PGAM5: variants seen among roughly 807,000 people sequenced by gnomAD.
PGAM5 encodes serine/threonine-protein phosphatase PGAM5, mitochondrial.
Under a neutral mutation model 30.6 loss-of-function variants are expected in PGAM5, and 25 were observed. That is an observed-to-expected ratio of 0.82 (90% confidence interval 0.60 to 1.14). PGAM5 has a LOEUF of 1.14. Among genes scored for constraint, PGAM5 ranks in the 50% most tolerant of loss-of-function variants. The probability of loss-of-function intolerance (pLI) is 0.00; values close to 1 mark genes in which losing one functional copy is unlikely to be tolerated. For synonymous variants in PGAM5, 201 were observed against 179.1 expected, an observed-to-expected ratio of 1.12 and a Z score of -0.98; for missense variants, 384 against 408.5, an observed-to-expected ratio of 0.94 and a Z score of 0.52.
At chr12:132,716,828 A>T (rs1017872798) in intron 2 of PGAM5, among the ~76,000 whole-genome samples, 1 of 152,210 alleles carries the variant, frequency 6.6e-6, no homozygotes, top group Non-Finnish European at 1.5e-5. Context: ...GCCGCCCCCC[A>T]GTCCCCAGAG....
chr12:132,715,247 G>A (rs765541193), intron 2 of PGAM5, among the ~76,000 whole-genome samples: 54 of 152,250 alleles, frequency 3.5e-4, no homozygotes, highest in Non-Finnish European at 6.5e-4. Flanking sequence ...ACTGTCAGCT[G>A]AACTTGGACA....
At chr12:132,718,412 TGGGTGG>T (rs1311793032) in intron 5 of PGAM5, among the ~76,000 whole-genome samples, 1 of 35,090 alleles carries the variant, frequency 2.8e-5, no homozygotes. Flanking sequence ...GGGTGCGTGC[TGGGTGG>T]GGGTGTCCTG....
At chr12:132,711,287 C>T (rs1000167188) in intron 1 of PGAM5, 166 of 302,320 alleles carry the variant, frequency 5.5e-4, no homozygotes, top group Non-Finnish European at 1.4e-4. Context: ...CGAGCTCCGT[C>T]GCGTCCTCGC....
Position 132,722,324 on chromosome 12 carries a change from C to T in PGAM5, c.*1496C>T, listed in dbSNP as rs2043654784. The T allele has an allele frequency of 6.6e-6, 1 of 150,756 alleles. No homozygotes were observed. The highest frequency in any genetic ancestry group is 2.4e-5 in the African/African-American group (1 of 40,922). The allele number at this position is 150,756 out of a possible 1,614,324, so 9.3% of individuals were successfully genotyped here. ...GGAGTGCAGTGGCGCGATCTCGGCT[C>T]ACTGCAACCTCTGCCTCCTGGGTTC... On this transcript the variant is annotated 3_prime_UTR_variant, in exon 6 of 6. Coordinates refer to ENST00000498926, the MANE Select transcript of PGAM5 (RefSeq NM_001170543.2).
At chr12:132,719,891 C>T (rs568342829) in intron 5 of PGAM5, among the ~76,000 whole-genome samples, 8 of 152,068 alleles carry the variant, frequency 5.3e-5, no homozygotes, top group Non-Finnish European at 1.2e-4. Flanking sequence ...GATGCCACGG[C>T]GGGTAGATCC....
intron 2 of PGAM5, among the ~76,000 whole-genome samples, chr12:132,715,593 C>A (rs7956215): frequency 7.0e-6 from 1 of 141,912 alleles, no homozygotes; most frequent in South Asian, 2.2e-4. Flanking sequence ...AATGTCCTTA[C>A]CTTGGCCAGG....
At chr12:132,714,815 G>A (rs745511262) in intron 1 of PGAM5, 43 bp from the exon 2 acceptor site, 1 of 1,590,746 alleles carries the variant, frequency 6.3e-7, no homozygotes, top group African/African-American at 1.3e-5. Context: ...ACTCAAACTT[G>A]GGAACAGAGG....
At chr12:132,715,094 T>TCTG (rs68129804) in intron 2 of PGAM5, 58 bp downstream of exon 2, 4 of 1,352,696 alleles carry the variant, frequency 3.0e-6, no homozygotes, top group Non-Finnish European at 2.9e-6. Flanking sequence ...CAGGTGCATA[T>TCTG]CTGCTGGCGC....
intron 5 of PGAM5, among the ~76,000 whole-genome samples, chr12:132,719,770 C>T (rs1593122437): frequency 5.3e-5 from 8 of 152,188 alleles, no homozygotes; most frequent in Admixed American, 5.2e-4. Flanking sequence ...CGGGAAGCAG[C>T]GTGAGGGTGG....
In PGAM5 at chr12:132,722,015, G is replaced by C. The variant is rs1010632585; in HGVS notation, c.*1187G>C. The C allele has an allele frequency of 6.6e-6, 1 of 152,118 alleles. No homozygotes were observed. The highest frequency in any genetic ancestry group is 2.4e-5 in the African/African-American group (1 of 41,402). 9.4% of individuals were successfully genotyped at this position (152,118 alleles called of 1,614,324 possible). A position where few individuals can be genotyped will look rare whatever the true frequency, so the allele number is the denominator to read the frequency against. On this transcript the variant is annotated 3_prime_UTR_variant, in exon 6 of 6. Transcript: ENST00000498926. ...ACTCACCAACTTGATTAGGTCTTTA[G>C]GGGCCGAGGGACTAGCCAGCTGCAC... is the stretch of plus-strand genomic sequence containing the variant.
At chr12:132,717,407 G>C in intron 2 of PGAM5, 32 bp from the exon 3 acceptor site, 1 of 1,571,768 alleles carries the variant, frequency 6.4e-7, no homozygotes, top group Non-Finnish European at 8.5e-7. Context: ...AGGGGGTGCA[G>C]GTGCGGCACT....
Position 132,718,073 on chromosome 12 carries a change from C to G in PGAM5, c.672C>G (p.Tyr224Ter). The G allele has an allele frequency of 3.7e-6, 6 of 1,612,826 alleles. No homozygotes were observed. The highest frequency in any genetic ancestry group is 1.1e-5 in the South Asian group (1 of 91,078). ...ATGCCAGGCAGGAGGAGGACAGTTA[C>G]GAGATCTTCATCTGTCACGCCAACG... ...RADARQEEDS[Y>*]EIFICHANVI... Residue 224 changes from tyrosine to a stop codon, truncating the protein, a stop_gained, in exon 5 of 6, where the codon TAC (tyrosine) becomes TAG (stop). Coordinates refer to ENST00000498926, the MANE Select transcript of PGAM5 (RefSeq NM_001170543.2). LOFTEE classifies it high-confidence loss of function.
In PGAM5 at chr12:132,717,870, C is replaced by T. The variant is rs1046471565; in HGVS notation, c.585+72C>T. On this transcript the variant is annotated intron_variant, in intron 4 of 5. Transcript: ENST00000498926. Reference sequence around the variant, plus strand: ...GGCAAAGCGGCCCTGCTGGGCTCACCATCCACCACGTGCCCGGCCGTCCCA... The same window carrying T: ...GGCAAAGCGGCCCTGCTGGGCTCACTATCCACCACGTGCCCGGCCGTCCCA... The T allele has an allele frequency of 5.0e-6, 8 of 1,592,106 alleles. No homozygotes were observed. The African/African-American group carries it at 1.1e-4, about 21-fold the overall frequency.
chr12:132,713,722 G>A (rs1401371630), intron 1 of PGAM5, among the ~76,000 whole-genome samples: 1 of 152,148 alleles, frequency 6.6e-6, no homozygotes, highest in African/African-American at 2.4e-5. Context: ...CCAGGCTGGA[G>A]TGCAGTGCAG....
At chr12:132,714,081 G>C (rs190416908) in intron 1 of PGAM5, among the ~76,000 whole-genome samples, 6 of 152,216 alleles carry the variant, frequency 3.9e-5, no homozygotes, top group Non-Finnish European at 8.8e-5. Context: ...GCAGTGGCAC[G>C]ATCTCGGCTC....
intron 5 of PGAM5, chr12:132,718,747 G>A: frequency 2.5e-6 from 4 of 1,613,368 alleles, no homozygotes; most frequent in Non-Finnish European, 3.4e-6. Context: ...GCCTCCGGCT[G>A]GATCCCACTG....
In PGAM5 at chr12:132,718,104, C is replaced by T. The variant is rs958259999; in HGVS notation, c.703C>T (p.Arg235Cys). The T allele has an allele frequency of 1.2e-6, 2 of 1,612,704 alleles. No individual in the cohort carries two copies. The highest frequency in any genetic ancestry group is 1.7e-5 in the Admixed American group (1 of 59,974). ...CTTCATCTGTCACGCCAACGTCATC[C>T]GCTACATCGTGTGCAGGTAGGCAGC... Reference protein sequence around the residue: ...EIFICHANVIRYIVCRALQFP... With the variant: ...EIFICHANVICYIVCRALQFP... The change falls in exon 5 of 6, where the codon CGC (arginine) becomes TGC (cysteine). Residue 235 changes from arginine to cysteine, a missense_variant. Coordinates refer to ENST00000498926, the MANE Select transcript of PGAM5 (RefSeq NM_001170543.2).
intron 1 of PGAM5, among the ~76,000 whole-genome samples, chr12:132,713,538 C>T (rs1364400581): frequency 1.3e-5 from 2 of 152,204 alleles, no homozygotes; most frequent in Non-Finnish European, 1.5e-5. Flanking sequence ...ATGACAGGCC[C>T]CCAGGTCGGC....
intron 1 of PGAM5, among the ~76,000 whole-genome samples, chr12:132,714,041 G>A (rs966672611): frequency 3.3e-5 from 5 of 151,638 alleles, no homozygotes; most frequent in Non-Finnish European, 2.9e-5. Flanking sequence ...TTTCTGAGGC[G>A]GAGTCTCACT....
Sources: gnomAD v4.1 joint callset for allele counts (sites outside exome capture counted in the v4.1 genomes callset) on GRCh38, gnomAD v4.1.1 for gene constraint, MANE v1.5 for transcripts, NCBI Gene and HGNC (gene_info 2026-07-23, HGNC 2026-07-21) for gene names.